Variants in SUCLG2 observed in about 807,000 individuals in gnomAD.
The protein encoded by SUCLG2 is succinate--CoA ligase [GDP-forming] subunit beta, mitochondrial.
SUCLG2 carries 42 observed loss-of-function variants against 47.9 expected under a neutral mutation model. The ratio of observed to expected loss-of-function variants is 0.88; its 90% CI spans 0.69 to 1.14. The LOEUF is 1.14. Among genes scored for constraint, SUCLG2 ranks in the 50% most tolerant of loss-of-function variants. SUCLG2 has a pLI of 0.00. For missense variants in SUCLG2, 571 were observed against 525.9 expected (o/e 1.09, Z -0.84); for synonymous variants, 195 against 197.3 (o/e 0.99, Z 0.10).
At chr3:67,563,541 T>A (rs893255954) in intron 2 of SUCLG2, among the ~76,000 whole-genome samples, 1 of 152,174 alleles carries the variant, frequency 6.6e-6, no homozygotes, top group Non-Finnish European at 1.5e-5. Flanking sequence ...CTCTAAAATA[T>A]TGTTCAGTGA....
chr3:67,626,957 G>A (rs964975899), intron 1 of SUCLG2, among the ~76,000 whole-genome samples: 10 of 147,638 alleles, frequency 6.8e-5, no homozygotes, highest in African/African-American at 2.5e-4. Context: ...TCAGACAGAC[G>A]TGAGAGGACA....
At chr3:67,360,788 C>A (rs929170255) in intron 10 of SUCLG2, 5 of 1,497,690 alleles carry the variant, frequency 3.3e-6, no homozygotes, top group Non-Finnish European at 4.4e-6. Flanking sequence ...GAGTGAGATT[C>A]TTGTAATGAG....
intron 2 of SUCLG2, among the ~76,000 whole-genome samples, chr3:67,531,199 C>G: frequency 6.6e-6 from 1 of 152,094 alleles, no homozygotes; most frequent in East Asian, 1.9e-4. Flanking sequence ...AAAAATGGCA[C>G]ACAGGAAGAC....
chr3:67,641,944 T>C (rs910337995), intron 1 of SUCLG2, among the ~76,000 whole-genome samples: 1 of 152,198 alleles, frequency 6.6e-6, no homozygotes, highest in African/African-American at 2.4e-5. Context: ...CATCTTCACA[T>C]GGCTTTCTCC....
chr3:67,444,345 G>GC (rs1313621590), intron 9 of SUCLG2, among the ~76,000 whole-genome samples: 3 of 73,394 alleles, frequency 4.1e-5, no homozygotes, highest in South Asian at 7.6e-4. Context: ...GGGGGGGTTA[G>GC]CCCCCCGCCT....
chr3:67,513,336 T>C (rs974427655), intron 6 of SUCLG2, among the ~76,000 whole-genome samples: 1 of 152,258 alleles, frequency 6.6e-6, no homozygotes, highest in South Asian at 2.1e-4. Flanking sequence ...ATTAATCCCA[T>C]TGTAATTATA....
At chr3:67,518,040 CA>C (rs1705994303) in intron 6 of SUCLG2, among the ~76,000 whole-genome samples, 1 of 152,092 alleles carries the variant, frequency 6.6e-6, no homozygotes, top group Non-Finnish European at 1.5e-5. Flanking sequence ...ACACACATAC[CA>C]AAACACATTC....
At position 67,638,396 on chromosome 3, in the gene SUCLG2, G is replaced by T. The variant is rs977693402; in HGVS notation, c.84+16107C>A. ...GCTGATATACATCAACACATTTCCAGATTGTAGCTACACTTGGCATTTCAC... is the reference window on the plus strand; with the variant it reads ...GCTGATATACATCAACACATTTCCATATTGTAGCTACACTTGGCATTTCAC... On this transcript the variant is annotated intron_variant, in intron 1 of 10. Transcript: ENST00000307227. 1.1e-4 allele frequency among the ~76,000 whole-genome samples: 17 copies of T among 152,128 alleles called. 1 individual carries two copies.
downstream of SUCLG2, among the ~76,000 whole-genome samples, chr3:67,369,932 G>A (rs891674261): frequency 6.6e-6 from 1 of 152,068 alleles, no homozygotes. Flanking sequence ...TGATTACATA[G>A]TAAATACTAA....
intron 7 of SUCLG2, among the ~76,000 whole-genome samples, chr3:67,505,503 G>T (rs767954581): frequency 6.6e-6 from 1 of 152,090 alleles, no homozygotes; most frequent in African/African-American, 2.4e-5. Flanking sequence ...TTCTTTCTCC[G>T]TGTCAAAAAT....
At chr3:67,610,002 A>G (rs531762234) in intron 1 of SUCLG2, among the ~76,000 whole-genome samples, 5 of 152,338 alleles carry the variant, frequency 3.3e-5, no homozygotes, top group African/African-American at 4.8e-5. Flanking sequence ...GTATTTCAAC[A>G]TAAGTTATTT....
intron 9 of SUCLG2, among the ~76,000 whole-genome samples, chr3:67,460,736 A>G (rs184265242): frequency 6.0e-4 from 92 of 152,310 alleles, no homozygotes; most frequent in African/African-American, 2.1e-3. Context: ...CTAGCTTCTC[A>G]TCCTCGCTCT....
intron 9 of SUCLG2, among the ~76,000 whole-genome samples, chr3:67,487,863 T>G (rs1167263849): frequency 6.6e-6 from 1 of 152,126 alleles, no homozygotes; most frequent in Admixed American, 6.6e-5. Context: ...CCCAGCTTTA[T>G]GTAAAGTTAT....
intron 9 of SUCLG2, among the ~76,000 whole-genome samples, chr3:67,430,208 A>G (rs1277061008): frequency 2.0e-5 from 3 of 152,100 alleles, no homozygotes; most frequent in South Asian, 2.1e-4. Flanking sequence ...GAAGTAAAAA[A>G]CTCATCAGCA....
At chr3:67,572,978 G>T (rs1253575882) in intron 2 of SUCLG2, among the ~76,000 whole-genome samples, 2 of 151,852 alleles carry the variant, frequency 1.3e-5, no homozygotes, top group Non-Finnish European at 2.9e-5. Context: ...AAGGTCACAG[G>T]ATACAAAATA....
intron 2 of SUCLG2, among the ~76,000 whole-genome samples, chr3:67,582,279 C>G (rs1322038697): frequency 1.3e-5 from 2 of 152,134 alleles, no homozygotes; most frequent in Non-Finnish European, 2.9e-5. Context: ...CCTCCATTTT[C>G]AAGTAGGCCT....
At chr3:67,377,049 G>A (rs1192880864) in intron 10 of SUCLG2, among the ~76,000 whole-genome samples, 1 of 152,232 alleles carries the variant, frequency 6.6e-6, no homozygotes, top group East Asian at 1.9e-4. Context: ...ATATCATTAA[G>A]TGCTTATGTA....
rs574023460 is a variant in SUCLG2 at position 67,431,945 on chromosome 3, C to T, written c.1063-31094G>A. Among the ~76,000 whole-genome samples the T allele has an allele frequency of 8.5e-5, 13 of 152,272 alleles. 1 individual carries two copies. The East Asian group carries it at 1.5e-3, about 18-fold the overall frequency. On this transcript the variant is annotated intron_variant, in intron 9 of 10. Coordinates refer to ENST00000307227, the MANE Select transcript of SUCLG2 (RefSeq NM_003848.4). The stretch of plus-strand genomic sequence containing the variant: ...CAAATAATAATTACTTAGGGGTCAG[C>T]AGCTGGTGGCTCAATTGGGCACTGG...
At chr3:67,369,624 G>T (rs1455921914) in intron 10 of SUCLG2, among the ~76,000 whole-genome samples, 1 of 152,222 alleles carries the variant, frequency 6.6e-6, no homozygotes, top group Non-Finnish European at 1.5e-5. Context: ...GTGCAGTCTT[G>T]TTTGGAAGAG....
Sources: allele counts gnomAD v4.1 joint callset (sites outside exome capture counted in the v4.1 genomes callset), GRCh38; gene constraint gnomAD v4.1.1; transcripts MANE v1.5; gene names NCBI Gene and HGNC (gene_info 2026-07-23, HGNC 2026-07-21).